Variants in PCDHGB7 observed in about 807,000 individuals in gnomAD.
PCDHGB7 encodes protocadherin gamma subfamily B, 7, also known as protocadherin gamma-B7.
In PCDHGB7, 37 loss-of-function variants were observed where a neutral mutation model predicts 61.4. The observed-to-expected ratio is 0.60, with a 90% CI of 0.46 to 0.79. The LOEUF (loss-of-function observed/expected upper bound fraction) is 0.79. Ranked by LOEUF, PCDHGB7 falls within the 30% of genes least tolerant of loss-of-function variation. PCDHGB7 has a pLI of 0.00. For missense variants in PCDHGB7, 1,166 were observed against 1,202.5 expected (o/e 0.97, Z 0.45); for synonymous variants, 464 against 503.5 (o/e 0.92, Z 1.05).
Position 141,456,465 on chromosome 5 carries a change from C to T in PCDHGB7, c.2415+36191C>T, listed in dbSNP as rs553441797. ...ACAGAGTCCAAATATCAATACAAGA[C>T]ATATAAGCAAGAGAGTGCTTAATAA... On this transcript the variant is annotated intron_variant, in intron 1 of 3. Coordinates refer to ENST00000398594, the MANE Select transcript of PCDHGB7 (RefSeq NM_018927.4). 2.6e-5 allele frequency among the ~76,000 whole-genome samples: 4 copies of T among 152,212 alleles called. No homozygotes were observed. In the East Asian group the frequency reaches 7.7e-4, roughly 29 times the overall value.
intron 2 of PCDHGB7, among the ~76,000 whole-genome samples, chr5:141,500,020 T>A (rs905529317): frequency 6.6e-6 from 1 of 151,918 alleles, no homozygotes; most frequent in Non-Finnish European, 1.5e-5. Flanking sequence ...ACATTTTATA[T>A]TTGAGTGAGT....
chr5:141,503,912 A>AAC (rs34419983), intron 2 of PCDHGB7, among the ~76,000 whole-genome samples: 3 of 152,280 alleles, frequency 2.0e-5, no homozygotes, highest in East Asian at 3.9e-4. Context: ...CACACAACGC[A>AAC]ACACACACAC....
intron 2 of PCDHGB7, among the ~76,000 whole-genome samples, chr5:141,501,988 T>C (rs2099812189): frequency 6.6e-6 from 1 of 152,056 alleles, no homozygotes; most frequent in Non-Finnish European, 1.5e-5. Flanking sequence ...GGTCCCGTTG[T>C]CTCCCTGACA....
Position 141,417,931 on chromosome 5 carries a change from G to C in PCDHGB7, c.72G>C (p.Leu24Phe), listed in dbSNP as rs551432799. The C allele has an allele frequency of 6.2e-6, 10 of 1,611,500 alleles. No homozygotes were observed. In the South Asian group the frequency reaches 9.9e-5, roughly 16 times the overall value. The change falls in exon 1 of 4, where the codon TTG (leucine) becomes TTC (phenylalanine). Residue 24 changes from leucine (L) to phenylalanine (F), a missense_variant. By Grantham distance (22) the Leu-to-Phe change is conservative. Transcript: ENST00000398594. ...TACTATTTCCTTTGCTGCTGCCTTT[G>C]TTCTACCCCACGCTGTGTGAGCCGA... Reference protein sequence around the residue: ...RQVLFPLLLPLFYPTLCEPIR... With the variant: ...RQVLFPLLLPFFYPTLCEPIR...
At chr5:141,423,758 G>GGGC (rs1554116874) in intron 1 of PCDHGB7, 82 of 366,752 alleles carry the variant, frequency 2.2e-4, no homozygotes, top group Middle Eastern at 4.2e-4. Context: ...TTTGGGGGGG[G>GGGC]GGTGGGGCGG....
intron 1 of PCDHGB7, chr5:141,428,275 G>A (rs566455986): frequency 6.5e-6 from 5 of 767,218 alleles, no homozygotes; most frequent in African/African-American, 3.4e-5. Context: ...TGTGCCCTCT[G>A]ATTCCCAAGC....
At chr5:141,422,375 T>G (rs2096644332) in intron 1 of PCDHGB7, 3 of 1,570,696 alleles carry the variant, frequency 1.9e-6, no homozygotes, top group Admixed American at 1.9e-5. Flanking sequence ...AATGGTCAAG[T>G]CTCCTGTTTT....
chr5:141,511,403 A>C lies in PCDHGB7; in HGVS notation c.*230A>C. On this transcript the variant is annotated 3_prime_UTR_variant, in exon 4 of 4. Coordinates refer to ENST00000398594, the MANE Select transcript of PCDHGB7 (RefSeq NM_018927.4). Reference sequence around the variant, plus strand: ...TCCGCTGGGAACCCCCATCCAATCAACTGCTGTACCCATGGGGGTAGTGGG... The same window carrying C: ...TCCGCTGGGAACCCCCATCCAATCACCTGCTGTACCCATGGGGGTAGTGGG... 8.5e-6 allele frequency: 8 copies of C among 939,018 alleles called. No individual in the cohort carries two copies. The highest frequency in any genetic ancestry group is 1.2e-5 in the Non-Finnish European group (8 of 650,834). The allele number at this position is 939,018 out of a possible 1,614,324, so 58.2% of individuals were successfully genotyped here. A position where few individuals can be genotyped will look rare whatever the true frequency, so the allele number is the denominator to read the frequency against.
chr5:141,425,576 G>A (rs2096883993), intron 1 of PCDHGB7, among the ~76,000 whole-genome samples: 1 of 152,166 alleles, frequency 6.6e-6, no homozygotes, highest in Non-Finnish European at 1.5e-5. Flanking sequence ...GAAGGGTTTG[G>A]CTAACTTTAT....
At chr5:141,467,393 T>C (rs1409255781) in intron 1 of PCDHGB7, among the ~76,000 whole-genome samples, 3 of 152,124 alleles carry the variant, frequency 2.0e-5, no homozygotes, top group African/African-American at 7.2e-5. Flanking sequence ...TTTTAAGTCA[T>C]AGTTAGAAAG....
At chr5:141,422,007 T>A in intron 1 of PCDHGB7, 1 of 1,609,966 alleles carries the variant, frequency 6.2e-7, no homozygotes, top group Non-Finnish European at 8.5e-7. Context: ...GCTCCGGAAC[T>A]CGGGTGCTGA....
In PCDHGB7 at chr5:141,476,132, T is replaced by C. The variant is rs751708569; in HGVS notation, c.2416-18675T>C. 2 of 1,607,820 alleles carry C rather than the reference T, an allele frequency of 1.2e-6. No homozygotes were observed. The highest frequency in any genetic ancestry group is 1.1e-5 in the South Asian group (1 of 90,582). On this transcript the variant is annotated intron_variant, in intron 1 of 3. Coordinates refer to ENST00000398594, the MANE Select transcript of PCDHGB7 (RefSeq NM_018927.4). The surrounding 1 kb of genome is among the most constrained non-coding windows in gnomAD (Gnocchi z 7.6). ...TTTGAGTGAGATGGTCCCAGAGGCC[T>C]GGAGGAGCGGACTGGTAAGCACCGG...
chr5:141,435,194 C>G (rs538114313), intron 1 of PCDHGB7, among the ~76,000 whole-genome samples: 85 of 152,214 alleles, frequency 5.6e-4, no homozygotes, highest in Middle Eastern at 6.8e-3. Flanking sequence ...AGATGGCTAG[C>G]AAATTCATAA....
At position 141,432,834 on chromosome 5, in the gene PCDHGB7, A is replaced by G; in HGVS notation, c.2415+12560A>G. 6.2e-7 allele frequency: 1 copy of G among 1,614,082 alleles called. No homozygotes were observed. The highest frequency in any genetic ancestry group is 8.5e-7 in the Non-Finnish European group (1 of 1,179,978). ...TCTGAAACCTCAGACCTCACTCTGTACCTGGTGGTAGCGGTGGCCGCGGTC... is the reference window on the plus strand; with the variant it reads ...TCTGAAACCTCAGACCTCACTCTGTGCCTGGTGGTAGCGGTGGCCGCGGTC... On this transcript the variant is annotated intron_variant, in intron 1 of 3. Transcript: ENST00000398594. This position sits in a 1 kb window ranked among gnomAD's most constrained non-coding sequence, Gnocchi z 6.0.
At chr5:141,466,004 C>T (rs1336655723) in intron 1 of PCDHGB7, among the ~76,000 whole-genome samples, 1 of 151,920 alleles carries the variant, frequency 6.6e-6, no homozygotes, top group Non-Finnish European at 1.5e-5. Flanking sequence ...CACCTGTAGT[C>T]CCAGCTACTC....
Position 141,418,463 on chromosome 5 carries a change from C to G in PCDHGB7, c.604C>G (p.Arg202Gly). ...PELVLQKTLD[R>G]ETQSAHHLVL... ...ATTAGTATTGCAGAAGACTCTGGAC[C>G]GAGAAACGCAGAGCGCTCACCACTT... Residue 202 changes from arginine (R) to glycine (G), a missense_variant, in exon 1 of 4, where the codon CGA becomes GGA. By Grantham distance (125) the Arg-to-Gly change is moderately radical. Coordinates refer to ENST00000398594, the MANE Select transcript of PCDHGB7 (RefSeq NM_018927.4). 6.2e-7 allele frequency: 1 copy of G among 1,613,944 alleles called. No individual in the cohort carries two copies. The highest frequency in any genetic ancestry group is 1.1e-5 in the South Asian group (1 of 91,082).
In PCDHGB7 at chr5:141,477,041, C is replaced by A; in HGVS notation, c.2416-17766C>A. 3 of 1,614,242 alleles carry A rather than the reference C, an allele frequency of 1.9e-6. No individual in the cohort carries two copies. Among genetic ancestry groups the A allele is most frequent in the Admixed American group, 1.7e-5 (1 of 60,036 alleles). Reference sequence around the variant, plus strand: ...AACCGGGATGCTGACAATCAAGGGTCGGCTGGACTTCGAGGACACCAAACT... The same window carrying A: ...AACCGGGATGCTGACAATCAAGGGTAGGCTGGACTTCGAGGACACCAAACT... On this transcript the variant is annotated intron_variant, in intron 1 of 3. Transcript: ENST00000398594. The surrounding 1 kb of genome is among the most constrained non-coding windows in gnomAD (Gnocchi z 4.9).
Position 141,475,063 on chromosome 5 carries a change from C to T in PCDHGB7, c.2416-19744C>T, listed in dbSNP as rs552623067. Among the ~76,000 whole-genome samples the T allele has an allele frequency of 1.1e-4, 16 of 152,320 alleles. No individual in the cohort carries two copies. The South Asian group carries it at 2.9e-3, about 28-fold the overall frequency. The stretch of plus-strand genomic sequence containing the variant: ...TTGTATTTTCTAAAGATTTGTGGAG[C>T]TTTGCTGCCATTATTTCAATAATTT... On this transcript the variant is annotated intron_variant, in intron 1 of 3. Coordinates refer to ENST00000398594, the MANE Select transcript of PCDHGB7 (RefSeq NM_018927.4).
In PCDHGB7 at chr5:141,431,463, C is replaced by T. The variant is rs139195027; in HGVS notation, c.2415+11189C>T. Reference sequence around the variant, plus strand: ...CGCATCCGCGTGATGGTTCTGGATGCGAACGACAACGCACCAGCGTTTGCT... The same window carrying T: ...CGCATCCGCGTGATGGTTCTGGATGTGAACGACAACGCACCAGCGTTTGCT... On this transcript the variant is annotated intron_variant, in intron 1 of 3. Transcript: ENST00000398594. The surrounding 1 kb of genome is among the most constrained non-coding windows in gnomAD (Gnocchi z 4.8). The T allele has an allele frequency of 3.5e-3, 5,640 of 1,613,740 alleles. 51 individuals are homozygous for T. Among genetic ancestry groups the T allele is most frequent in the South Asian group, 0.02 (1,825 of 91,088 alleles).
Sources: gnomAD v4.1 joint callset for allele counts (sites outside exome capture counted in the v4.1 genomes callset) on GRCh38, gnomAD v4.1.1 for gene constraint, Gnocchi (gnomAD v3.1) non-coding constraint, MANE v1.5 for transcripts, NCBI Gene and HGNC (gene_info 2026-07-23, HGNC 2026-07-21) for gene names.